Variants in BRD7 observed in about 807,000 individuals in gnomAD.
BRD7 encodes bromodomain-containing protein 7.
BRD7 carries 15 observed loss-of-function variants against 82.1 expected under a neutral mutation model. That is an observed-to-expected ratio of 0.18 (90% CI 0.12 to 0.28). The LOEUF (loss-of-function observed/expected upper bound fraction) is 0.28. Ranked by LOEUF, BRD7 falls within the 10% of genes least tolerant of loss-of-function variation. The probability of loss-of-function intolerance (pLI) is 1.00; values close to 1 mark genes in which losing one functional copy is unlikely to be tolerated. For synonymous variants in BRD7, 232 were observed against 266.9 expected (o/e 0.87, Z 1.27); for missense variants, 638 against 779.9 (o/e 0.82, Z 2.17).
chr16:50,335,893 T>C (rs2037776725), intron 6 of BRD7, among the ~76,000 whole-genome samples: 2 of 152,190 alleles, frequency 1.3e-5, no homozygotes, highest in African/African-American at 4.8e-5. Flanking sequence ...TACTGGACTT[T>C]TAAAGTAATC....
intron 9 of BRD7, among the ~76,000 whole-genome samples, chr16:50,328,405 A>G (rs1450990236): frequency 6.6e-6 from 1 of 152,210 alleles, no homozygotes; most frequent in Non-Finnish European, 1.5e-5. Context: ...TTACTATCTA[A>G]AAGTTATGGC....
chr16:50,340,124 C>CTCCCT, intron 5 of BRD7, 38 bp from the exon 6 acceptor site: 1 of 1,188,878 alleles, frequency 8.4e-7, no homozygotes, highest in Non-Finnish European at 1.2e-6. Context: ...TGCATTAATG[C>CTCCCT]AAAACAAACT....
At chr16:50,323,526 G>T in intron 12 of BRD7, 61 bp downstream of exon 12, 1 of 1,287,132 alleles carries the variant, frequency 7.8e-7, no homozygotes. Context: ...TCATTATACT[G>T]AATGACTAAT....
chr16:50,368,546 G>C (rs1432959099), intron 1 of BRD7, 180 bp downstream of exon 1: 1 of 724,144 alleles, frequency 1.4e-6, no homozygotes, highest in Non-Finnish European at 2.1e-6. Flanking sequence ...GGGGGACCCG[G>C]GTTCGAATGC....
chr16:50,343,409 G>A (rs888859080), intron 5 of BRD7, among the ~76,000 whole-genome samples: 1 of 152,244 alleles, frequency 6.6e-6, no homozygotes, highest in East Asian at 1.9e-4. Flanking sequence ...GAAGACTGGT[G>A]ATTTCTGCAT....
intron 2 of BRD7, among the ~76,000 whole-genome samples, chr16:50,362,921 G>A (rs1024075524): frequency 6.6e-6 from 1 of 152,298 alleles, no homozygotes; most frequent in East Asian, 1.9e-4. Context: ...TATGCTATGT[G>A]TATTGTACCA....
chr16:50,341,710 T>C (rs1028726504), intron 5 of BRD7, among the ~76,000 whole-genome samples: 2 of 150,586 alleles, frequency 1.3e-5, no homozygotes, highest in Non-Finnish European at 3.0e-5. Flanking sequence ...AGATACTAGA[T>C]TACTATATAT....
chr16:50,323,556 A>T (rs770301093), intron 12 of BRD7, 31 bp downstream of exon 12: 2 of 1,458,974 alleles, frequency 1.4e-6, no homozygotes, highest in Admixed American at 1.7e-5. Flanking sequence ...TCGATAATAA[A>T]TTACCCTGTT....
intron 8 of BRD7, among the ~76,000 whole-genome samples, chr16:50,330,336 A>ATTT (rs1567604853): frequency 7.2e-6 from 1 of 139,770 alleles, no homozygotes. Context: ...AAAAGAGGAC[A>ATTT]CTTTTTTTTT....
At chr16:50,332,227 G>A (rs1298223427) in intron 8 of BRD7, among the ~76,000 whole-genome samples, 4 of 151,938 alleles carry the variant, frequency 2.6e-5, no homozygotes, top group Non-Finnish European at 5.9e-5. Context: ...AAATATGTGT[G>A]AACTACGCAT....
At chr16:50,333,509 A>G in intron 8 of BRD7, 65 bp downstream of exon 8, 2 of 1,581,976 alleles carry the variant, frequency 1.3e-6, no homozygotes, top group Non-Finnish European at 1.7e-6. Flanking sequence ...AAGCAATTTA[A>G]AAACTAAAAG....
chr16:50,354,848 C>T lies in BRD7; in HGVS notation c.333G>A (p.Val111=), dbSNP rs1156659089. ...AEKDLQCHAP[V]RLDLPPEKPL... Reference sequence around the variant, plus strand: ...GCTTCTCAGGAGGCAAGTCTAATCTCACAGGGGCGTGACACTGGAGATCTT... The same window carrying T: ...GCTTCTCAGGAGGCAAGTCTAATCTTACAGGGGCGTGACACTGGAGATCTT... The change falls in exon 3 of 17, where the codon GTG becomes GTA. Residue 111 remains valine, a synonymous_variant. Transcript: ENST00000394688. 1 of 1,613,062 alleles carries T rather than the reference C, an allele frequency of 6.2e-7. No individual in the cohort carries two copies.
chr16:50,357,004 G>C (rs560475961), intron 2 of BRD7, among the ~76,000 whole-genome samples: 41 of 152,274 alleles, frequency 2.7e-4, no homozygotes, highest in Admixed American at 9.2e-4. Flanking sequence ...TCAAAGCATG[G>C]TCACCAGACT....
At chr16:50,349,643 T>C (rs2038439109) in intron 5 of BRD7, 3 of 470,764 alleles carry the variant, frequency 6.4e-6, no homozygotes, top group Admixed American at 2.4e-5. Flanking sequence ...GGTGTAAGAA[T>C]GGATTAATAC....
chr16:50,366,079 C>T (rs1034762511), intron 2 of BRD7, among the ~76,000 whole-genome samples: 5 of 152,108 alleles, frequency 3.3e-5, no homozygotes, highest in Non-Finnish European at 7.4e-5. Context: ...ATTTAGAAGC[C>T]AGAAAACAAC....
intron 5 of BRD7, among the ~76,000 whole-genome samples, chr16:50,343,945 A>G (rs2038178026): frequency 6.6e-6 from 1 of 152,224 alleles, no homozygotes; most frequent in African/African-American, 2.4e-5. Flanking sequence ...TTGAGATCTG[A>G]GAACGGACAG....
intron 6 of BRD7, among the ~76,000 whole-genome samples, chr16:50,338,970 G>A (rs2037932390): frequency 1.3e-5 from 2 of 152,196 alleles, no homozygotes; most frequent in African/African-American, 4.8e-5. Context: ...TATCTTGCGA[G>A]TTATTTTCTC....
intron 16 of BRD7, among the ~76,000 whole-genome samples, 194 bp from the exon 17 acceptor site, chr16:50,319,460 TTAGAC>T (rs2036973527): frequency 6.6e-6 from 1 of 152,184 alleles, no homozygotes; most frequent in Non-Finnish European, 1.5e-5. Context: ...TATTAATTCT[TTAGAC>T]AAGATAAAAA....
intron 2 of BRD7, among the ~76,000 whole-genome samples, chr16:50,356,503 GA>G (rs2038737870): frequency 2.0e-5 from 3 of 152,246 alleles, no homozygotes; most frequent in Admixed American, 2.0e-4. Context: ...AACAATGTCT[GA>G]AGAAAAGTTG....
Sources: allele counts gnomAD v4.1 joint callset (sites outside exome capture counted in the v4.1 genomes callset), GRCh38; gene constraint gnomAD v4.1.1; transcripts MANE v1.5; gene names NCBI Gene and HGNC (gene_info 2026-07-23, HGNC 2026-07-21).